Variants in ARHGEF38 observed in about 807,000 individuals in gnomAD.
ARHGEF38 encodes the protein Rho guanine nucleotide exchange factor (GEF) 38.
In ARHGEF38, 79 loss-of-function variants were observed where a neutral mutation model predicts 79.9. The observed-to-expected ratio is 0.99, with a 90% CI of 0.82 to 1.19. The LOEUF is 1.19. Ranked by LOEUF, ARHGEF38 falls within the 50% of genes most tolerant of loss-of-function variation. The pLI, the probability that ARHGEF38 is intolerant of heterozygous loss-of-function variation, is 0.00. For missense variants in ARHGEF38, 962 were observed against 907.2 expected, an observed-to-expected ratio of 1.06 and a Z score of -0.78; for synonymous variants, 366 against 328.3, an observed-to-expected ratio of 1.11 and a Z score of -1.24.
chr4:105,644,550 T>A (rs1294057011), intron 5 of ARHGEF38, among the ~76,000 whole-genome samples: 1 of 152,238 alleles, frequency 6.6e-6, no homozygotes, highest in Non-Finnish European at 1.5e-5. Flanking sequence ...TTTTGTGTAG[T>A]CATTTGAAGA....
intron 10 of ARHGEF38, among the ~76,000 whole-genome samples, chr4:105,664,372 T>G (rs1254962169): frequency 6.6e-6 from 1 of 152,244 alleles, no homozygotes; most frequent in Non-Finnish European, 1.5e-5. Context: ...ATGATTCTCT[T>G]GGTATTTACC....
intron 7 of ARHGEF38, among the ~76,000 whole-genome samples, chr4:105,652,715 A>G (rs1298603764): frequency 7.7e-6 from 1 of 129,578 alleles, no homozygotes; most frequent in African/African-American, 4.6e-5. Flanking sequence ...CTCCTTGGAA[A>G]CTGCATTTAA....
chr4:105,561,484 A>AGAATGGAATGGAATG (rs1560684665), intron 1 of ARHGEF38: 1 of 59,870 alleles, frequency 1.7e-5, no homozygotes, highest in African/African-American at 6.2e-5. Context: ...AGAATAGAAT[A>AGAATGGAATGGAATG]GAATAGAATA....
chr4:105,649,422 C>T (rs1048801821), intron 7 of ARHGEF38, among the ~76,000 whole-genome samples: 2 of 152,202 alleles, frequency 1.3e-5, no homozygotes, highest in Admixed American at 6.5e-5. Context: ...TGCAAACACT[C>T]TAGGTATTTT....
At chr4:105,675,942 G>T (rs1458300263) in intron 13 of ARHGEF38, among the ~76,000 whole-genome samples, 1 of 152,144 alleles carries the variant, frequency 6.6e-6, no homozygotes, top group Non-Finnish European at 1.5e-5. Context: ...TGTGGATTAG[G>T]CTTTCAACAC....
intron 4 of ARHGEF38, among the ~76,000 whole-genome samples, chr4:105,632,056 C>T (rs371620294): frequency 6.6e-6 from 1 of 152,080 alleles, no homozygotes; most frequent in African/African-American, 2.4e-5. Context: ...GGGATCCTAA[C>T]GTGGTACAAG....
chr4:105,628,830 G>T (rs903942255), intron 3 of ARHGEF38, among the ~76,000 whole-genome samples: 21 of 152,028 alleles, frequency 1.4e-4, no homozygotes, highest in African/African-American at 5.1e-4. Flanking sequence ...TATTTTATTG[G>T]CTGTAAATAA....
chr4:105,572,260 T>C (rs551845032), intron 1 of ARHGEF38, among the ~76,000 whole-genome samples: 1 of 152,338 alleles, frequency 6.6e-6, no homozygotes, highest in East Asian at 1.9e-4. Flanking sequence ...CCAATGACTA[T>C]ATAACTGTTA....
At position 105,589,265 on chromosome 4, in the gene ARHGEF38, G is replaced by A. The variant is rs1727204923; in HGVS notation, c.214G>A (p.Gly72Ser). ...QKLQEKMTPQ[G>S]ECSVAETLTP... ...TTTAACAGAAAAGATGACTCCACAG[G>A]GTGAGTGTTCTGTAGCTGAGACCTT... is the stretch of plus-strand genomic sequence containing the variant. Residue 72 changes from glycine (G) to serine (S), a missense_variant, in exon 2 of 14, where the codon GGT (glycine) becomes AGT (serine). Gly to Ser is a moderately conservative substitution (Grantham distance 56). Transcript: ENST00000420470. 1 of 1,613,312 alleles carries A rather than the reference G, an allele frequency of 6.2e-7. No homozygotes were observed. Among genetic ancestry groups the A allele is most frequent in the Non-Finnish European group, 8.5e-7 (1 of 1,179,782 alleles).
rs1200816926 is a variant in ARHGEF38 at position 105,643,293 on chromosome 4, C to G, written c.675-1895C>G. Among the ~76,000 whole-genome samples the G allele has an allele frequency of 6.6e-5, 10 of 152,150 alleles. No homozygotes were observed. In the South Asian group the frequency reaches 2.1e-3, roughly 32 times the overall value. ...TTTTTCCCTCTTTCTGCCTCCTTCC[C>G]CCTCTGTCACTTTCTCTCCTTACCT... On this transcript the variant is annotated intron_variant, in intron 5 of 13. Transcript: ENST00000420470.
At chr4:105,602,300 A>G (rs1027297420) in intron 2 of ARHGEF38, among the ~76,000 whole-genome samples, 39 of 152,200 alleles carry the variant, frequency 2.6e-4, no homozygotes, top group African/African-American at 8.7e-4. Flanking sequence ...TTGTCCAGGC[A>G]AACTGTCAGA....
At position 105,603,981 on chromosome 4, in the gene ARHGEF38, AC is replaced by A. The variant is rs1727932924; in HGVS notation, c.385-9401del. Among the ~76,000 whole-genome samples the A allele has an allele frequency of 2.6e-5, 4 of 152,170 alleles. No individual in the cohort carries two copies. The South Asian group carries it at 8.3e-4, about 32-fold the overall frequency. On this transcript the variant is annotated intron_variant, in intron 2 of 13. Coordinates refer to ENST00000420470, the MANE Select transcript of ARHGEF38 (RefSeq NM_001242729.2). The stretch of plus-strand genomic sequence containing the variant: ...TCAGGCAGGAGGTGTTTGTTTTTTA[AC>A]CTTTTTGGTATGTTTACTATCTTCA...
At chr4:105,634,701 A>G (rs765216530) in intron 4 of ARHGEF38, among the ~76,000 whole-genome samples, 38 of 141,174 alleles carry the variant, frequency 2.7e-4, no homozygotes, top group Admixed American at 1.5e-3. Context: ...TTGTAATAGA[A>G]AGAGAATGAA....
At chr4:105,584,287 A>G (rs1385509874) in intron 1 of ARHGEF38, among the ~76,000 whole-genome samples, 1 of 152,228 alleles carries the variant, frequency 6.6e-6, no homozygotes, top group South Asian at 2.1e-4. Context: ...AGAAGCCTAT[A>G]CACTACACTA....
At chr4:105,609,879 A>G in intron 2 of ARHGEF38, among the ~76,000 whole-genome samples, 1 of 152,132 alleles carries the variant, frequency 6.6e-6, no homozygotes, top group African/African-American at 2.4e-5. Flanking sequence ...AGGAATATTA[A>G]TCATTCTACT....
chr4:105,612,487 A>G (rs180969216), intron 2 of ARHGEF38, among the ~76,000 whole-genome samples: 2 of 152,208 alleles, frequency 1.3e-5, no homozygotes, highest in Admixed American at 1.3e-4. Context: ...AGTAAAAGGC[A>G]CCTACTCCTG....
intron 1 of ARHGEF38, among the ~76,000 whole-genome samples, chr4:105,556,067 G>C (rs1440691897): frequency 6.6e-6 from 1 of 152,046 alleles, no homozygotes; most frequent in Non-Finnish European, 1.5e-5. Context: ...CCACCCTTAG[G>C]CTCCCTTACT....
chr4:105,629,299 C>A (rs1729085024), intron 3 of ARHGEF38, among the ~76,000 whole-genome samples: 1 of 152,102 alleles, frequency 6.6e-6, no homozygotes, highest in Non-Finnish European at 1.5e-5. Context: ...AAGAATACAG[C>A]CTCTAATTCT....
At chr4:105,581,660 T>C (rs1188577907) in intron 1 of ARHGEF38, among the ~76,000 whole-genome samples, 1 of 152,216 alleles carries the variant, frequency 6.6e-6, no homozygotes, top group Non-Finnish European at 1.5e-5. Flanking sequence ...TATTATCTTT[T>C]AAAATCCACT....
Sources: gnomAD v4.1 joint callset for allele counts (sites outside exome capture counted in the v4.1 genomes callset) on GRCh38, gnomAD v4.1.1 for gene constraint, MANE v1.5 for transcripts, NCBI Gene and HGNC (gene_info 2026-07-23, HGNC 2026-07-21) for gene names.